ATL3: variants seen among roughly 807,000 people sequenced by gnomAD.
ATL3 encodes the protein atlastin GTPase 3.
A neutral mutation model predicts 69.5 loss-of-function variants in ATL3; 49 were observed. That is an observed-to-expected ratio of 0.71 (90% CI 0.56 to 0.89). The LOEUF is 0.89. Ranked by LOEUF, ATL3 falls within the 40% of genes least tolerant of loss-of-function variation. ATL3 has a pLI of 0.00. For missense variants in ATL3, 606 were observed against 645.7 expected (o/e 0.94, Z 0.67); for synonymous variants, 214 against 224.1 (o/e 0.95, Z 0.40).
chr11:63,644,895 A>G (rs1432831845), intron 6 of ATL3, among the ~76,000 whole-genome samples: 1 of 152,164 alleles, frequency 6.6e-6, no homozygotes, highest in Non-Finnish European at 1.5e-5. Flanking sequence ...GACAAAAGAG[A>G]AAACCACATG....
At chr11:63,632,502 C>A in intron 11 of ATL3, 1 of 853,504 alleles carries the variant, frequency 1.2e-6, no homozygotes, top group Admixed American at 1.7e-5. Context: ...ACAAAATCCT[C>A]ACCACTAGTC....
chr11:63,657,564 G>C (rs775920813), intron 3 of ATL3, among the ~76,000 whole-genome samples: 85 of 152,330 alleles, frequency 5.6e-4, no homozygotes, highest in Non-Finnish European at 1.0e-3. Flanking sequence ...TCAGCCTCTG[G>C]GAAGTGAAAA....
chr11:63,656,132 G>A (rs1004438845), intron 3 of ATL3, among the ~76,000 whole-genome samples: 7 of 151,740 alleles, frequency 4.6e-5, no homozygotes. Context: ...GCTGAGGCAG[G>A]AGAATGGCGT....
chr11:63,630,853 T>C (rs1291648339), intron 12 of ATL3, among the ~76,000 whole-genome samples, 187 bp downstream of exon 12: 1 of 146,580 alleles, frequency 6.8e-6, no homozygotes, highest in African/African-American at 2.5e-5. Flanking sequence ...GGAAACAAAA[T>C]ATTAAGAATA....
chr11:63,671,147 C>T (rs994413995), intron 1 of ATL3, 143 bp downstream of exon 1: 4 of 1,382,666 alleles, frequency 2.9e-6, no homozygotes, highest in African/African-American at 3.1e-5. Flanking sequence ...AATTCGGAAA[C>T]CGAGTGACCC....
chr11:63,632,514 AT>A, intron 11 of ATL3: 1 of 857,106 alleles, frequency 1.2e-6, no homozygotes, highest in Non-Finnish European at 2.0e-6. Flanking sequence ...CCACTAGTCC[AT>A]CAGATTTCTT....
rs57543834 is a variant in ATL3 at position 63,638,891 on chromosome 11, T to C, written c.851-2557A>G. 7.1e-3 allele frequency among the ~76,000 whole-genome samples: 1,078 copies of C among 152,260 alleles called. 12 individuals carry two copies. The highest frequency in any genetic ancestry group is 0.024 in the African/African-American group (1,006 of 41,552). ...AACCACTAAAATAATTCCTAAAGTA[T>C]CTGGGGGAACATTTGCAGAAATAGT... On this transcript the variant is annotated intron_variant, in intron 8 of 12. Coordinates refer to ENST00000398868, the MANE Select transcript of ATL3 (RefSeq NM_015459.5).
rs1009660103 is a variant in ATL3, at chr11:63,625,231, T to C, written c.*4088A>G. ...CTTTCATAACTGAAGCTTGTCTTCA[T>C]TATGCCCTTATCCCTTGACTAGAAT... On this transcript the variant is annotated 3_prime_UTR_variant, in exon 13 of 13. Coordinates refer to ENST00000398868, the MANE Select transcript of ATL3 (RefSeq NM_015459.5). 4 of 152,160 alleles carry C rather than the reference T, an allele frequency of 2.6e-5. No homozygotes were observed. Among genetic ancestry groups the C allele is most frequent in the African/African-American group, 4.8e-5 (2 of 41,444 alleles). The allele number at this position is 152,160 out of a possible 1,614,324, so 9.4% of individuals were successfully genotyped here.
chr11:63,653,640 G>A (rs747424273), intron 3 of ATL3, among the ~76,000 whole-genome samples: 24 of 152,178 alleles, frequency 1.6e-4, no homozygotes, highest in Admixed American at 5.9e-4. Flanking sequence ...CCTTCATAAT[G>A]TAGAATACTA....
chr11:63,666,087 C>T (rs541107256), intron 1 of ATL3, among the ~76,000 whole-genome samples: 7 of 152,100 alleles, frequency 4.6e-5, no homozygotes, highest in Non-Finnish European at 1.0e-4. Context: ...CTCAGGCAAT[C>T]CTCCCACCTC....
chr11:63,645,608 G>T (rs1329000521), intron 6 of ATL3, among the ~76,000 whole-genome samples: 1 of 151,888 alleles, frequency 6.6e-6, no homozygotes, highest in Non-Finnish European at 1.5e-5. Flanking sequence ...GTGTGTTTGT[G>T]TTGAGACGGT....
chr11:63,654,062 A>C (rs1940162723), intron 3 of ATL3, among the ~76,000 whole-genome samples: 1 of 152,222 alleles, frequency 6.6e-6, no homozygotes, highest in Non-Finnish European at 1.5e-5. Context: ...AGATGTAAAC[A>C]ACAGAGCAAA....
At chr11:63,662,793 G>T (rs992432906) in intron 1 of ATL3, among the ~76,000 whole-genome samples, 1 of 152,152 alleles carries the variant, frequency 6.6e-6, no homozygotes, top group African/African-American at 2.4e-5. Flanking sequence ...ATTTAAAGTC[G>T]ACTTAAGGAG....
chr11:63,629,412 A>G lies in ATL3; in HGVS notation c.1540-7T>C, dbSNP rs1324302379. 6.2e-7 allele frequency: 1 copy of G among 1,612,606 alleles called. No individual in the cohort carries two copies. Among genetic ancestry groups the G allele is most frequent in the African/African-American group, 1.3e-5 (1 of 74,914 alleles). Reference sequence around the variant, plus strand: ...TACCGATATGAGAAGAAGCCTGCAAAAGTCCATTTATTCAACATATAAGTT... The same window carrying G: ...TACCGATATGAGAAGAAGCCTGCAAGAGTCCATTTATTCAACATATAAGTT... On this transcript the variant is annotated splice_polypyrimidine_tract_variant and splice_region_variant and intron_variant, in intron 12 of 12. Coordinates refer to ENST00000398868, the MANE Select transcript of ATL3 (RefSeq NM_015459.5).
chr11:63,659,408 C>T (rs1224610406), intron 1 of ATL3, among the ~76,000 whole-genome samples, 156 bp from the exon 2 acceptor site: 2 of 152,164 alleles, frequency 1.3e-5, no homozygotes, highest in Non-Finnish European at 2.9e-5. Context: ...AGAAAGATTA[C>T]TTGAGGCCAG....
chr11:63,661,766 G>C (rs1256062117), intron 1 of ATL3, among the ~76,000 whole-genome samples: 1 of 152,040 alleles, frequency 6.6e-6, no homozygotes. Flanking sequence ...GCACGTGCTT[G>C]TAATCCCAGC....
rs191208945 is a variant in ATL3, at chr11:63,661,524, G to C, written c.47-2272C>G. Among the ~76,000 whole-genome samples the C allele has an allele frequency of 4.3e-3, 660 of 152,194 alleles. 1 individual carries two copies. Among genetic ancestry groups the C allele is most frequent in the African/African-American group, 0.015 (637 of 41,530 alleles). On this transcript the variant is annotated intron_variant, in intron 1 of 12. Coordinates refer to ENST00000398868, the MANE Select transcript of ATL3 (RefSeq NM_015459.5). ...TTAGAGAAGCTGAGATGGCAGGATTGCTTGAGGCCAGGAGTTCAAGACCAA... is the reference window on the plus strand; with the variant it reads ...TTAGAGAAGCTGAGATGGCAGGATTCCTTGAGGCCAGGAGTTCAAGACCAA...
At chr11:63,653,109 T>C (rs1940131761) in intron 3 of ATL3, among the ~76,000 whole-genome samples, 1 of 151,818 alleles carries the variant, frequency 6.6e-6, no homozygotes, top group African/African-American at 2.4e-5. Flanking sequence ...GTCAGGTGGA[T>C]CACTTGAGGC....
At chr11:63,654,699 A>AT (rs545924501) in intron 3 of ATL3, among the ~76,000 whole-genome samples, 9,426 of 132,534 alleles carry the variant, frequency 0.071, 568 homozygotes, top group Admixed American at 0.2. Context: ...TGTCTGGCCT[A>AT]TTTTTTTTTT....
Sources: gnomAD v4.1 joint callset for allele counts (sites outside exome capture counted in the v4.1 genomes callset) on GRCh38, gnomAD v4.1.1 for gene constraint, MANE v1.5 for transcripts, NCBI Gene and HGNC (gene_info 2026-07-23, HGNC 2026-07-21) for gene names.